Variants in DAB1 observed in about 807,000 individuals in gnomAD.
The protein encoded by DAB1 is DAB adaptor protein 1.
DAB1 carries 15 observed loss-of-function variants against 64.6 expected under a neutral mutation model. That is an observed-to-expected ratio of 0.23 (90% CI 0.16 to 0.36). The LOEUF (loss-of-function observed/expected upper bound fraction) is 0.36. DAB1 is among the 10% of genes least tolerant of loss of function. DAB1 has a pLI of 1.00. For synonymous variants in DAB1, 235 were observed against 251.9 expected, an observed-to-expected ratio of 0.93 and a Z score of 0.64; for missense variants, 596 against 706.7, an observed-to-expected ratio of 0.84 and a Z score of 1.78.
chr1:57,117,874 G>A (rs1405992159), intron 4 of DAB1, among the ~76,000 whole-genome samples: 3 of 151,970 alleles, frequency 2.0e-5, no homozygotes. Flanking sequence ...GGATTTTTGA[G>A]GGGGGTGTGG....
At chr1:58,492,470 T>C (rs1645714543) in intron 3 of DAB1, among the ~76,000 whole-genome samples, 3 of 151,954 alleles carry the variant, frequency 2.0e-5, no homozygotes, top group African/African-American at 4.8e-5. Context: ...AATCAATGAA[T>C]CCAGGAGTTG....
intron 5 of DAB1, among the ~76,000 whole-genome samples, chr1:57,915,254 A>G (rs889631505): frequency 3.7e-4 from 57 of 152,136 alleles, no homozygotes; most frequent in African/African-American, 1.4e-3. Context: ...CTGATTTTTC[A>G]TATTTTCTGA....
chr1:58,104,640 AC>A (rs1321121719), intron 5 of DAB1, among the ~76,000 whole-genome samples: 2 of 152,152 alleles, frequency 1.3e-5, no homozygotes, highest in African/African-American at 4.8e-5. Context: ...CCTTCCTTTA[AC>A]CTATTTATTT....
chr1:57,582,673 A>C (rs1205548425), intron 7 of DAB1, among the ~76,000 whole-genome samples: 1 of 152,232 alleles, frequency 6.6e-6, no homozygotes, highest in Non-Finnish European at 1.5e-5. Flanking sequence ...GTGGCAGCTG[A>C]GGATTCAGGA....
chr1:57,180,849 T>C (rs1474670499), intron 2 of DAB1, among the ~76,000 whole-genome samples: 1 of 152,204 alleles, frequency 6.6e-6, no homozygotes, highest in African/African-American at 2.4e-5. Context: ...CTGTCTCCTC[T>C]ACCCCAGTCT....
In DAB1 at chr1:58,496,169, C is replaced by CTTTTTTTTTTTTTTTTTTTTTTTTTTT. The variant is rs375006213; in HGVS notation, n.257+9890_257+9891insAAAAAAAAAAAAAAAAAAAAAAAAAAA. 3.4e-5 allele frequency among the ~76,000 whole-genome samples: 5 copies of CTTTTTTTTTTTTTTTTTTTTTTTTTTT among 144,968 alleles called. 1 individual carries two copies. In the East Asian group the frequency reaches 1.1e-3, roughly 31 times the overall value. ...TTCAATATTCTTTCATTTTTTTAGA[C>CTTTTTTTTTTTTTTTTTTTTTTTTTTT]TTTTTTTTTTTGGCTTTGGGCATTT... On this transcript the variant is annotated intron_variant and non_coding_transcript_variant, in intron 3 of 20. Transcript: ENST00000485760.
At chr1:57,397,426 T>G (rs1486076027) in intron 1 of DAB1, among the ~76,000 whole-genome samples, 2 of 152,186 alleles carry the variant, frequency 1.3e-5, no homozygotes, top group African/African-American at 4.8e-5. Flanking sequence ...GATTATCTAT[T>G]TTTTTCTTCC....
intron 7 of DAB1, among the ~76,000 whole-genome samples, chr1:57,478,739 C>T (rs991004602): frequency 6.6e-6 from 1 of 151,432 alleles, no homozygotes; most frequent in Non-Finnish European, 1.5e-5. Flanking sequence ...ATTACAGGTG[C>T]GTGCCACCAT....
intron 6 of DAB1, among the ~76,000 whole-genome samples, chr1:57,802,265 T>TAGAA (rs1403426185): frequency 2.0e-5 from 3 of 152,200 alleles, no homozygotes; most frequent in African/African-American, 7.2e-5. Flanking sequence ...GTCCTTTTGG[T>TAGAA]AGAAAGACCA....
At chr1:57,183,561 T>C (rs1663212273) in intron 2 of DAB1, among the ~76,000 whole-genome samples, 1 of 152,146 alleles carries the variant, frequency 6.6e-6, no homozygotes, top group Admixed American at 6.5e-5. Context: ...ATGTTGATCC[T>C]TGTCCCATGT....
chr1:58,351,151 T>C (rs1490855997), intron 3 of DAB1, among the ~76,000 whole-genome samples: 1 of 152,200 alleles, frequency 6.6e-6, no homozygotes, highest in Non-Finnish European at 1.5e-5. Flanking sequence ...TGGTTTGTAG[T>C]TCTCCTTGAA....
intron 5 of DAB1, among the ~76,000 whole-genome samples, chr1:57,919,392 A>C (rs1350896552): frequency 1.3e-5 from 2 of 152,268 alleles, no homozygotes; most frequent in Non-Finnish European, 2.9e-5. Flanking sequence ...GTTTCTATAT[A>C]TACATGTACA....
intron 1 of DAB1, among the ~76,000 whole-genome samples, chr1:57,845,911 T>C (rs570507875): frequency 9.2e-5 from 14 of 152,256 alleles, no homozygotes; most frequent in Admixed American, 8.5e-4. Context: ...TATTCCTGTT[T>C]AATAAATGGA....
At chr1:57,127,907 G>A (rs1657281240) in intron 4 of DAB1, among the ~76,000 whole-genome samples, 1 of 152,066 alleles carries the variant, frequency 6.6e-6, no homozygotes, top group African/African-American at 2.4e-5. Context: ...CAGCACTTTG[G>A]GAGGCCAAGG....
At chr1:57,713,897 ATGTTTCTT>A (rs1473117115) in intron 6 of DAB1, among the ~76,000 whole-genome samples, 1 of 152,112 alleles carries the variant, frequency 6.6e-6, no homozygotes, top group Non-Finnish European at 1.5e-5. Flanking sequence ...GACAGGGGAA[ATGTTTCTT>A]TGTTTGCTGA....
chr1:57,475,210 G>A (rs1426061493), intron 7 of DAB1, among the ~76,000 whole-genome samples: 1 of 152,220 alleles, frequency 6.6e-6, no homozygotes, highest in East Asian at 1.9e-4. Flanking sequence ...CCAGGAGGTG[G>A]AGGTTGCAGT....
intron 6 of DAB1, among the ~76,000 whole-genome samples, chr1:57,724,365 G>A (rs1647184468): frequency 6.8e-6 from 1 of 147,418 alleles, no homozygotes; most frequent in Admixed American, 6.8e-5. Context: ...GGAGGGAAGG[G>A]AGGGAGGCAA....
chr1:57,234,452 T>C (rs1484880035), intron 2 of DAB1, among the ~76,000 whole-genome samples: 2 of 152,230 alleles, frequency 1.3e-5, no homozygotes, highest in South Asian at 4.1e-4. Context: ...TTTTTAGGTG[T>C]CAATAATTGT....
At chr1:58,281,518 C>T (rs919786096) in intron 4 of DAB1, among the ~76,000 whole-genome samples, 7 of 152,074 alleles carry the variant, frequency 4.6e-5, no homozygotes, top group African/African-American at 1.7e-4. Flanking sequence ...ACCTAGTATC[C>T]TTGCCTCCAC....
Sources: gnomAD v4.1 joint callset for allele counts (sites outside exome capture counted in the v4.1 genomes callset) on GRCh38, gnomAD v4.1.1 for gene constraint, MANE v1.5 for transcripts, NCBI Gene and HGNC (gene_info 2026-07-23, HGNC 2026-07-21) for gene names.